The following RHBDL3 variants were observed in gnomAD, a reference collection of about 807,000 sequenced individuals.
The protein encoded by RHBDL3 is rhomboid like 3.
Under a neutral mutation model 48.2 loss-of-function variants are expected in RHBDL3, and 28 were observed. The observed-to-expected ratio is 0.58, with a 90% confidence interval of 0.43 to 0.80. The LOEUF is 0.80. RHBDL3 is among the 30% of genes least tolerant of loss of function. RHBDL3 has a pLI of 0.00. For synonymous variants in RHBDL3, 208 were observed against 232.3 expected (o/e 0.90, Z 0.95); for missense variants, 464 against 542.7 (o/e 0.85, Z 1.44).
intron 2 of RHBDL3, among the ~76,000 whole-genome samples, chr17:32,269,190 A>C (rs2039708931): frequency 6.6e-6 from 1 of 152,174 alleles, no homozygotes; most frequent in African/African-American, 2.4e-5. Flanking sequence ...TCTACAAAAA[A>C]TTAAAAAATC....
intron 2 of RHBDL3, among the ~76,000 whole-genome samples, chr17:32,276,462 G>T (rs959358787): frequency 6.6e-6 from 1 of 152,114 alleles, no homozygotes; most frequent in Non-Finnish European, 1.5e-5. Context: ...TCCATGAAAG[G>T]GCCAGAGTTC....
intron 6 of RHBDL3, among the ~76,000 whole-genome samples, chr17:32,301,867 G>C (rs563322830): frequency 1.8e-4 from 27 of 148,362 alleles, no homozygotes; most frequent in Admixed American, 1.0e-3. Flanking sequence ...ATTACTTAAA[G>C]ATAAATGTTC....
Position 32,321,059 on chromosome 17 carries a change from G to A in RHBDL3, c.1045G>A (p.Val349Met), listed in dbSNP as rs372423346. 30 of 1,614,044 alleles carry A rather than the reference G, an allele frequency of 1.9e-5. No individual in the cohort carries two copies. The highest frequency in any genetic ancestry group is 1.3e-4 in the Admixed American group (8 of 60,006). The change falls in exon 9 of 9, where the codon GTG (valine) becomes ATG (methionine). Residue 349 changes from valine to methionine, a missense_variant. Val to Met is a conservative substitution (Grantham distance 21). Transcript: ENST00000269051. Reference protein sequence around the residue: ...SFVAHLGGVAVGITLGVVVLR... With the variant: ...SFVAHLGGVAMGITLGVVVLR... ...TGTGGCGCACTTGGGTGGCGTGGCC[G>A]TGGGCATCACCCTGGGCGTGGTGGT...
intron 4 of RHBDL3, among the ~76,000 whole-genome samples, chr17:32,291,812 C>T (rs1465341137): frequency 6.7e-6 from 1 of 148,768 alleles, no homozygotes; most frequent in Non-Finnish European, 1.5e-5. Context: ...CCCTCTGTCA[C>T]CCAGGCTGGA....
chr17:32,310,221 T>C (rs997697906), intron 7 of RHBDL3, among the ~76,000 whole-genome samples: 1 of 152,204 alleles, frequency 6.6e-6, no homozygotes, highest in African/African-American at 2.4e-5. Context: ...TTTCACAAAC[T>C]GAACCACATT....
intron 4 of RHBDL3, among the ~76,000 whole-genome samples, chr17:32,290,444 C>T (rs1163063447): frequency 1.3e-5 from 2 of 152,156 alleles, no homozygotes; most frequent in Non-Finnish European, 2.9e-5. Context: ...AAACCCGAAC[C>T]ACCAATCTAG....
At chr17:32,302,591 G>A (rs1368883510) in intron 6 of RHBDL3, among the ~76,000 whole-genome samples, 2 of 151,600 alleles carry the variant, frequency 1.3e-5, no homozygotes, top group Non-Finnish European at 2.9e-5. Context: ...ATGTTGGCTA[G>A]ATTGGTCTCG....
intron 8 of RHBDL3, among the ~76,000 whole-genome samples, 189 bp downstream of exon 8, chr17:32,316,481 C>A (rs1269848107): frequency 6.6e-6 from 1 of 152,188 alleles, no homozygotes; most frequent in Non-Finnish European, 1.5e-5. Flanking sequence ...AACCATTCAT[C>A]TTTTATTTAT....
chr17:32,293,865 C>T (rs1357607019), intron 4 of RHBDL3, among the ~76,000 whole-genome samples: 3 of 151,908 alleles, frequency 2.0e-5, no homozygotes, highest in African/African-American at 7.3e-5. Context: ...CAGTGGCTCA[C>T]GCCTGTAATT....
At chr17:32,318,933 G>A (rs1340568852) in intron 8 of RHBDL3, among the ~76,000 whole-genome samples, 1 of 152,242 alleles carries the variant, frequency 6.6e-6, no homozygotes, top group African/African-American at 2.4e-5. Flanking sequence ...CTCTGGATCT[G>A]TTTCCTGGAT....
rs1245744325 is a variant in RHBDL3, at chr17:32,266,277, C to T, written c.88C>T (p.Arg30Trp). 3 of 1,465,670 alleles carry T rather than the reference C, an allele frequency of 2.0e-6. No individual in the cohort carries two copies. The South Asian group carries it at 3.9e-5, about 19-fold the overall frequency. The allele number at this position is 1,465,670 out of a possible 1,614,324, so 90.8% of individuals were successfully genotyped here. A position where few individuals can be genotyped will look rare whatever the true frequency, so the allele number is the denominator to read the frequency against. Residue 30 changes from arginine to tryptophan, a missense_variant, in exon 1 of 9, where the codon CGG becomes TGG. Physicochemically the swap from Arg to Trp is moderately radical, Grantham distance 101 (BLOSUM62 -3). Transcript: ENST00000269051. Reference sequence around the variant, plus strand: ...GGAGCTGGAACCCGAGGCCGAGGAGCGGCTGCCCGCGGCGCCGGAGGACGT... The same window carrying T: ...GGAGCTGGAACCCGAGGCCGAGGAGTGGCTGCCCGCGGCGCCGGAGGACGT... ...IEELEPEAEE[R>W]LPAAPEDHWK...
intron 1 of RHBDL3, among the ~76,000 whole-genome samples, chr17:32,266,839 G>A (rs1343572795): frequency 6.6e-6 from 1 of 152,202 alleles, no homozygotes; most frequent in African/African-American, 2.4e-5. Flanking sequence ...GCCGGAGCAG[G>A]GAGGCAAAGA....
At chr17:32,303,855 T>G (rs762333195) in intron 6 of RHBDL3, among the ~76,000 whole-genome samples, 1 of 152,014 alleles carries the variant, frequency 6.6e-6, no homozygotes, top group East Asian at 1.9e-4. Flanking sequence ...CCTAAGTCCG[T>G]GGATCTTGCA....
chr17:32,308,493 A>G (rs573902414), intron 7 of RHBDL3, among the ~76,000 whole-genome samples: 2 of 152,244 alleles, frequency 1.3e-5, no homozygotes, highest in Admixed American at 6.5e-5. Flanking sequence ...AGGTGAGATC[A>G]CCTGTGGTTC....
intron 7 of RHBDL3, among the ~76,000 whole-genome samples, chr17:32,308,962 A>C (rs943520345): frequency 2.2e-4 from 34 of 152,174 alleles, no homozygotes; most frequent in Non-Finnish European, 3.2e-4. Context: ...GCTACTCAGG[A>C]AGCTGAGGCA....
chr17:32,284,400 C>T (rs1354858769), intron 2 of RHBDL3: 5 of 404,032 alleles, frequency 1.2e-5, no homozygotes, highest in East Asian at 4.2e-5. Context: ...TGAGAGGAGG[C>T]GGTTTAACCT....
intron 7 of RHBDL3, among the ~76,000 whole-genome samples, chr17:32,315,417 C>A (rs1020223222): frequency 6.6e-6 from 1 of 152,328 alleles, no homozygotes; most frequent in South Asian, 2.1e-4. Context: ...AGTGAAAAGT[C>A]CTTTTGTAAA....
At chr17:32,285,467 C>G (rs1290763836) in intron 3 of RHBDL3, among the ~76,000 whole-genome samples, 1 of 152,056 alleles carries the variant, frequency 6.6e-6, no homozygotes, top group East Asian at 1.9e-4. Context: ...AGCCGATGCC[C>G]TGGGCTGCCA....
chr17:32,320,032 G>T (rs547967321), intron 8 of RHBDL3, among the ~76,000 whole-genome samples: 1 of 152,184 alleles, frequency 6.6e-6, no homozygotes, highest in South Asian at 2.1e-4. Flanking sequence ...TAGCACTGTG[G>T]GAGGCTGAGG....
Sources: gnomAD v4.1 joint callset for allele counts (sites outside exome capture counted in the v4.1 genomes callset) on GRCh38, gnomAD v4.1.1 for gene constraint, MANE v1.5 for transcripts, NCBI Gene and HGNC (gene_info 2026-07-23, HGNC 2026-07-21) for gene names.